CNTLN: variants seen among roughly 807,000 people sequenced by gnomAD.
CNTLN encodes the protein centlein.
CNTLN carries 212 observed loss-of-function variants against 180.0 expected under a neutral mutation model. The observed-to-expected ratio is 1.18, with a 90% CI of 1.05 to 1.32. The LOEUF is 1.32. Ranked by LOEUF, CNTLN falls within the 40% of genes most tolerant of loss-of-function variation. The pLI is 0.00. For missense variants in CNTLN, 2,095 were observed against 1,610.9 expected, an observed-to-expected ratio of 1.30 and a Z score of -5.14; for synonymous variants, 722 against 563.1, an observed-to-expected ratio of 1.28 and a Z score of -3.99.
rs748470684 is a variant in CNTLN at position 17,309,209 on chromosome 9, C to G, written c.1298C>G (p.Pro433Arg). 34 of 1,605,122 alleles carry G rather than the reference C, an allele frequency of 2.1e-5. No individual in the cohort carries two copies. Among genetic ancestry groups the G allele is most frequent in the Non-Finnish European group, 2.9e-5 (34 of 1,175,340 alleles). The stretch of plus-strand genomic sequence containing the variant: ...AAACTTCAGGAATCACAGGGAGCAC[C>G]TCTTCCTTTACCTCAAGAAAGTGAT... ...KEKLQESQGAPLPLPQESDPD... is the reference protein window; with the variant it reads ...KEKLQESQGARLPLPQESDPD... The change falls in exon 8 of 26, where the codon CCT becomes CGT. Residue 433 changes from proline to arginine, a missense_variant. By Grantham distance (103) the Pro-to-Arg change is moderately radical (BLOSUM62 -2). Transcript: ENST00000380647.
rs185759077 is a variant in CNTLN at position 17,362,174 on chromosome 9, A to T, written c.1887-4443A>T. Among the ~76,000 whole-genome samples the T allele has an allele frequency of 1.4e-3, 211 of 152,342 alleles. 2 individuals are homozygous for T. Among genetic ancestry groups the T allele is most frequent in the Non-Finnish European group, 8.2e-4 (56 of 68,032 alleles). On this transcript the variant is annotated intron_variant, in intron 12 of 25. Coordinates refer to ENST00000380647, the MANE Select transcript of CNTLN (RefSeq NM_017738.4). ...GAAGCAAGAAATAACTTTTCCAACA[A>T]CTGCAGCCCTACCTTCTGTTGGGTT...
intron 18 of CNTLN, among the ~76,000 whole-genome samples, chr9:17,424,455 A>G (rs1828945323): frequency 6.6e-6 from 1 of 152,190 alleles, no homozygotes; most frequent in Admixed American, 6.5e-5. Context: ...CTAGTAACAT[A>G]TGTGTCATCC....
chr9:17,419,508 T>C lies in CNTLN; in HGVS notation c.3114+3319T>C, dbSNP rs1587944251. On this transcript the variant is annotated intron_variant, in intron 18 of 25. Transcript: ENST00000380647. ...GTTATACACATGCAATGTTTAATTTTATAAATTTATTTATGCTTCTCAGGT... is the reference window on the plus strand; with the variant it reads ...GTTATACACATGCAATGTTTAATTTCATAAATTTATTTATGCTTCTCAGGT... Among the ~76,000 whole-genome samples the C allele has an allele frequency of 2.6e-5, 4 of 152,198 alleles. No individual in the cohort carries two copies. The South Asian group carries it at 8.3e-4, about 31-fold the overall frequency.
chr9:17,442,724 T>C (rs1434376504), intron 18 of CNTLN, among the ~76,000 whole-genome samples: 6 of 151,960 alleles, frequency 3.9e-5, no homozygotes, highest in African/African-American at 9.7e-5. Context: ...AAACAACCAA[T>C]GGGTTAAAGA....
chr9:17,240,642 T>C (rs1420938315), intron 5 of CNTLN, among the ~76,000 whole-genome samples: 1 of 152,172 alleles, frequency 6.6e-6, no homozygotes, highest in Non-Finnish European at 1.5e-5. Flanking sequence ...GAGCTCCTTA[T>C]ATATTCTGGT....
rs183126786 is a variant in CNTLN, at chr9:17,205,247, C to T, written c.450-20956C>T. 5.1e-3 allele frequency among the ~76,000 whole-genome samples: 773 copies of T among 152,262 alleles called. 5 individuals are homozygous for T. Among genetic ancestry groups the T allele is most frequent in the Admixed American group, 8.0e-3 (122 of 15,296 alleles). On this transcript the variant is annotated intron_variant, in intron 2 of 25. Coordinates refer to ENST00000380647, the MANE Select transcript of CNTLN (RefSeq NM_017738.4). Reference sequence around the variant, plus strand: ...GAATAAAGAGCACACACACTTGTTACCTTTAAGGGTAAACAAGCTTTATCC... The same window carrying T: ...GAATAAAGAGCACACACACTTGTTATCTTTAAGGGTAAACAAGCTTTATCC...
intron 15 of CNTLN, among the ~76,000 whole-genome samples, chr9:17,401,920 C>CTAA (rs3084529): frequency 0.69 from 104,675 of 151,132 alleles, 39,022 homozygotes; most frequent in Non-Finnish European, 0.82. Context: ...AGGTAAAGGA[C>CTAA]TAATATCCAG....
At chr9:17,514,197 C>T in the CNTLN span, among the ~76,000 whole-genome samples, 1 of 150,950 alleles carries the variant, frequency 6.6e-6, no homozygotes, top group South Asian at 2.1e-4. Flanking sequence ...GTAGTCCCAG[C>T]TACTGGGGAG....
chr9:17,498,506 G>C (rs552771531), intron 25 of CNTLN, among the ~76,000 whole-genome samples: 2 of 152,160 alleles, frequency 1.3e-5, no homozygotes, highest in African/African-American at 4.8e-5. Flanking sequence ...TTTGCAGCAG[G>C]AACAGCCAGA....
Position 17,332,647 on chromosome 9 carries a change from T to C in CNTLN, c.1561T>C (p.Ser521Pro), listed in dbSNP as rs1483271476. 4 of 1,608,252 alleles carry C rather than the reference T, an allele frequency of 2.5e-6. No homozygotes were observed. The highest frequency in any genetic ancestry group is 3.4e-6 in the Non-Finnish European group (4 of 1,177,814). The change falls in exon 10 of 26, where the codon TCT becomes CCT. Residue 521 changes from serine to proline, a missense_variant. Physicochemically the swap from Ser to Pro is moderately conservative, Grantham distance 74 (BLOSUM62 -1). Transcript: ENST00000380647. ...TTCAAGGTCTTTGTCCCCAAAGAGC[T>C]CTTTCACAGACTCAGAAGAGCTACA... Reference protein sequence around the residue: ...KRSRSLSPKSSFTDSEELQKL... With the variant: ...KRSRSLSPKSPFTDSEELQKL...
At chr9:17,501,432 A>G (rs911510414) in intron 25 of CNTLN, among the ~76,000 whole-genome samples, 2 of 152,212 alleles carry the variant, frequency 1.3e-5, no homozygotes, top group African/African-American at 2.4e-5. Context: ...CTTTAGTTCT[A>G]CTACCACAGC....
At chr9:17,267,523 T>G (rs1455883186) in intron 5 of CNTLN, among the ~76,000 whole-genome samples, 1 of 151,930 alleles carries the variant, frequency 6.6e-6, no homozygotes, top group Non-Finnish European at 1.5e-5. Flanking sequence ...TGTCTTGGAG[T>G]TGCTCTTCTC....
At chr9:17,258,610 A>G (rs11562193) in intron 5 of CNTLN, among the ~76,000 whole-genome samples, 33,002 of 148,094 alleles carry the variant, frequency 0.22, 4,435 homozygotes, top group African/African-American at 0.35. Context: ...CTACCCATGA[A>G]CATGGAATGT....
intron 5 of CNTLN, among the ~76,000 whole-genome samples, chr9:17,253,127 A>G (rs1318576133): frequency 6.6e-6 from 1 of 151,756 alleles, no homozygotes; most frequent in Non-Finnish European, 1.5e-5. Context: ...TCATTGGTCT[A>G]TGTGTCTATA....
chr9:17,170,943 T>G (rs1820384406), intron 2 of CNTLN, among the ~76,000 whole-genome samples: 2 of 152,216 alleles, frequency 1.3e-5, no homozygotes, highest in South Asian at 4.1e-4. Context: ...TACAGTAACA[T>G]GCTGTACAGG....
intron 5 of CNTLN, among the ~76,000 whole-genome samples, chr9:17,256,860 G>A (rs891284344): frequency 6.6e-6 from 1 of 151,784 alleles, no homozygotes; most frequent in Non-Finnish European, 1.5e-5. Context: ...AAATAATTTA[G>A]TTTCTGCTTG....
intron 12 of CNTLN, among the ~76,000 whole-genome samples, chr9:17,360,181 C>G (rs10810777): frequency 0.6 from 91,025 of 151,992 alleles, 27,503 homozygotes; most frequent in East Asian, 0.73. Flanking sequence ...TTGGATTCTT[C>G]TTTGAAAGTA....
In CNTLN at chr9:17,394,834, C is replaced by A; in HGVS notation, c.2380C>A (p.Pro794Thr). Residue 794 changes from proline (P) to threonine (T), a missense_variant, in exon 15 of 26, where the codon CCA (proline) becomes ACA (threonine). Physicochemically the swap from Pro to Thr is conservative, Grantham distance 38 (BLOSUM62 -1). Transcript: ENST00000380647. ...AAATGAAAATGAAGAGCTGATCAAC[C>A]CAATGGAGAAATCACACCAGTCAGC... is the stretch of plus-strand genomic sequence containing the variant. ...LRNENEELIN[P>T]MEKSHQSADR... 6.2e-7 allele frequency: 1 copy of A among 1,613,842 alleles called. No individual in the cohort carries two copies. The highest frequency in any genetic ancestry group is 1.1e-5 in the South Asian group (1 of 91,064).
At chr9:17,290,962 C>T (rs556190316) in intron 6 of CNTLN, among the ~76,000 whole-genome samples, 26 of 152,234 alleles carry the variant, frequency 1.7e-4, no homozygotes, top group Admixed American at 3.9e-4. Flanking sequence ...CAGAAATCAC[C>T]CGTCTTCTGT....
Sources: gnomAD v4.1 joint callset for allele counts (sites outside exome capture counted in the v4.1 genomes callset) on GRCh38, gnomAD v4.1.1 for gene constraint, MANE v1.5 for transcripts, NCBI Gene and HGNC (gene_info 2026-07-23, HGNC 2026-07-21) for gene names.